Variants in CACNA1C observed in about 807,000 individuals in gnomAD.
CACNA1C encodes the protein voltage-dependent L-type calcium channel subunit alpha-1C.
In CACNA1C, 30 loss-of-function variants were observed where a neutral mutation model predicts 229.0. The ratio of observed to expected loss-of-function variants is 0.13; its 90% CI spans 0.10 to 0.18. CACNA1C has a LOEUF of 0.18. CACNA1C is among the 10% of genes least tolerant of loss of function. The pLI is 1.00. For synonymous variants in CACNA1C, 1,114 were observed against 1,132.5 expected (o/e 0.98, Z 0.33); for missense variants, 1,658 against 2,845.0 (o/e 0.58, Z 9.49).
At position 2,653,048 on chromosome 12, in the gene CACNA1C, C is replaced by T. The variant is rs771287184; in HGVS notation, c.4075-787C>T. ...ACGGCTGAAGCGGCGCCCGGGAACA[C>T]GGGCTGGGCCTCCCATCCTGGGGAC... is the stretch of plus-strand genomic sequence containing the variant. On this transcript the variant is annotated intron_variant, in intron 32 of 46. Transcript: ENST00000399655. This position sits in a 1 kb window ranked among gnomAD's most constrained non-coding sequence, Gnocchi z 4.7. Among the ~76,000 whole-genome samples the T allele has an allele frequency of 2.6e-5, 4 of 152,216 alleles. No individual in the cohort carries two copies. Among genetic ancestry groups the T allele is most frequent in the Non-Finnish European group, 4.4e-5 (3 of 68,028 alleles).
At position 2,595,504 on chromosome 12, in the gene CACNA1C, T is replaced by C. The variant is rs1409343079; in HGVS notation, c.2664-370T>C. The stretch of plus-strand genomic sequence containing the variant: ...GCCTCTCAGCATACCCAGCTCCGGG[T>C]AGTCCTATTGTGCCTTATGCATAAG... On this transcript the variant is annotated intron_variant, in intron 19 of 46. Coordinates refer to ENST00000399655, the MANE Select transcript of CACNA1C (RefSeq NM_000719.7). The surrounding 1 kb of genome is among the most constrained non-coding windows in gnomAD (Gnocchi z 4.1). Among the ~76,000 whole-genome samples, 2 of 152,104 alleles carry C rather than the reference T, an allele frequency of 1.3e-5. No individual in the cohort carries two copies. Among genetic ancestry groups the C allele is most frequent in the Non-Finnish European group, 2.9e-5 (2 of 68,020 alleles).
At chr12:2,315,327 A>G (rs955268171) in intron 3 of CACNA1C, among the ~76,000 whole-genome samples, 1 of 152,224 alleles carries the variant, frequency 6.6e-6, no homozygotes, top group Non-Finnish European at 1.5e-5. Flanking sequence ...TGTGCCAACA[A>G]TCTGGGCACG....
chr12:2,229,315 C>A (rs1244519207), intron 3 of CACNA1C, among the ~76,000 whole-genome samples: 1 of 152,190 alleles, frequency 6.6e-6, no homozygotes, highest in Non-Finnish European at 1.5e-5. Context: ...GTATTAATTG[C>A]TGGTGCTCCC....
chr12:2,499,683 G>T (rs960121006), intron 7 of CACNA1C, among the ~76,000 whole-genome samples: 3 of 152,154 alleles, frequency 2.0e-5, no homozygotes, highest in African/African-American at 7.2e-5. Flanking sequence ...GGCCCTCAAG[G>T]CTACAGACAA....
intron 3 of CACNA1C, among the ~76,000 whole-genome samples, chr12:2,163,876 C>T (rs2096061705): frequency 6.6e-6 from 1 of 152,220 alleles, no homozygotes; most frequent in Admixed American, 6.5e-5. Context: ...CCGAGGCTGG[C>T]TTCTCGGGCT....
In CACNA1C at chr12:2,339,673, G is replaced by A. The variant is rs117617661; in HGVS notation, c.478-109303G>A. ...TTTTTTGTTAAGAAGTAAGACACGC[G>A]CACATAGTAACCTAGACCTACGCAG... On this transcript the variant is annotated intron_variant, in intron 3 of 46. Transcript: ENST00000399655. Among the ~76,000 whole-genome samples, 126 of 152,110 alleles carry A rather than the reference G, an allele frequency of 8.3e-4. 1 individual carries two copies. In the East Asian group the frequency reaches 0.02, roughly 25 times the overall value.
At position 2,410,830 on chromosome 12, in the gene CACNA1C, T is replaced by C. The variant is rs2098799524; in HGVS notation, c.478-38146T>C. 6.6e-6 allele frequency among the ~76,000 whole-genome samples: 1 copy of C among 152,094 alleles called. No individual in the cohort carries two copies. The highest frequency in any genetic ancestry group is 2.4e-5 in the African/African-American group (1 of 41,392). On this transcript the variant is annotated intron_variant, in intron 3 of 46. Coordinates refer to ENST00000399655, the MANE Select transcript of CACNA1C (RefSeq NM_000719.7). This position sits in a 1 kb window ranked among gnomAD's most constrained non-coding sequence, Gnocchi z 5.3. ...GTGTGTGCGTGTGCATGTGCGTGTG[T>C]GTGTTTCAGGAGCTGACCCTGGCTG... is the stretch of plus-strand genomic sequence containing the variant.
At chr12:2,657,722 G>A (rs2095494209) in intron 34 of CACNA1C, among the ~76,000 whole-genome samples, 1 of 152,110 alleles carries the variant, frequency 6.6e-6, no homozygotes, top group African/African-American at 2.4e-5. Context: ...GCTCTAGCCT[G>A]TTTATAACAG....
chr12:2,460,571 C>T (rs543006689), intron 5 of CACNA1C, among the ~76,000 whole-genome samples: 1 of 152,252 alleles, frequency 6.6e-6, no homozygotes, highest in African/African-American at 2.4e-5. Flanking sequence ...AGGACGGAGC[C>T]CTGTCTCCAT....
rs944825440 is a variant in CACNA1C at position 2,054,361 on chromosome 12, G to A, written c.49+750G>A. On this transcript the variant is annotated intron_variant, in intron 1 of 46. Transcript: ENST00000399655. The surrounding 1 kb of genome is among the most constrained non-coding windows in gnomAD (Gnocchi z 5.5). ...CACATGTGGGCTAGCACCTGAGGAT[G>A]GAAGCGGCGAGGAGCCGGGCGGTGT... Among the ~76,000 whole-genome samples the A allele has an allele frequency of 6.6e-6, 1 of 152,208 alleles. No individual in the cohort carries two copies. The highest frequency in any genetic ancestry group is 2.4e-5 in the African/African-American group (1 of 41,456).
chr12:2,429,164 GT>G (rs1180349946), intron 3 of CACNA1C, among the ~76,000 whole-genome samples: 1 of 152,036 alleles, frequency 6.6e-6, no homozygotes, highest in Non-Finnish European at 1.5e-5. Flanking sequence ...GTGTGTGTCT[GT>G]TTTCCCTTCT....
intron 3 of CACNA1C, among the ~76,000 whole-genome samples, chr12:2,277,405 A>C (rs2154430765): frequency 7.0e-6 from 1 of 143,634 alleles, no homozygotes; most frequent in East Asian, 2.0e-4. Context: ...ACACACACAC[A>C]CACACACACA....
chr12:2,561,709 T>C (rs1465003846), intron 11 of CACNA1C, among the ~76,000 whole-genome samples: 1 of 152,036 alleles, frequency 6.6e-6, no homozygotes, highest in Non-Finnish European at 1.5e-5. Flanking sequence ...GAGCTGGGGC[T>C]GCGAGAGCAG....
At chr12:2,372,684 G>A (rs927824262) in intron 3 of CACNA1C, among the ~76,000 whole-genome samples, 1 of 151,934 alleles carries the variant, frequency 6.6e-6, no homozygotes, top group African/African-American at 2.4e-5. Flanking sequence ...GTTCTCAGCA[G>A]ATTAAAACAT....
chr12:2,254,910 T>A (rs974109631), intron 3 of CACNA1C, among the ~76,000 whole-genome samples: 1 of 152,198 alleles, frequency 6.6e-6, no homozygotes, highest in South Asian at 2.1e-4. Context: ...CTGAAAGAGA[T>A]TCATCCCGAA....
At position 2,282,700 on chromosome 12, in the gene CACNA1C, C is replaced by G. The variant is rs74815127; in HGVS notation, c.477+162270C>G. 5.3e-3 allele frequency among the ~76,000 whole-genome samples: 809 copies of G among 152,322 alleles called. 4 individuals carry two copies. Among genetic ancestry groups the G allele is most frequent in the Non-Finnish European group, 8.4e-3 (570 of 68,026 alleles). The stretch of plus-strand genomic sequence containing the variant: ...TGGCTGCGGCAGGTCTCAGCAGAAT[C>G]TTTAGCTTTCTTCAGGCTTGATCAG... On this transcript the variant is annotated intron_variant, in intron 3 of 46. Coordinates refer to ENST00000399655, the MANE Select transcript of CACNA1C (RefSeq NM_000719.7).
chr12:2,308,991 G>T (rs2095265795), intron 3 of CACNA1C, among the ~76,000 whole-genome samples: 1 of 152,154 alleles, frequency 6.6e-6, no homozygotes, highest in Non-Finnish European at 1.5e-5. Context: ...CCACTTCTGG[G>T]TGTATATCTA....
chr12:2,218,205 C>G (rs1599494412), intron 3 of CACNA1C, among the ~76,000 whole-genome samples: 1 of 151,786 alleles, frequency 6.6e-6, no homozygotes, highest in African/African-American at 2.4e-5. Flanking sequence ...CTCTCACTCC[C>G]TGAGATGCAG....
chr12:2,673,410 G>A (rs2096646994), intron 38 of CACNA1C, among the ~76,000 whole-genome samples: 1 of 149,958 alleles, frequency 6.7e-6, no homozygotes, highest in Non-Finnish European at 1.5e-5. Context: ...AGGTTGCAGT[G>A]AGCCAAGATC....
Sources: gnomAD v4.1 joint callset for allele counts (sites outside exome capture counted in the v4.1 genomes callset) on GRCh38, gnomAD v4.1.1 for gene constraint, Gnocchi (gnomAD v3.1) non-coding constraint, MANE v1.5 for transcripts, NCBI Gene and HGNC (gene_info 2026-07-23, HGNC 2026-07-21) for gene names.